The following RABGEF1 variants were observed in gnomAD, a reference collection of about 807,000 sequenced individuals.
The protein encoded by RABGEF1 is rab5 GDP/GTP exchange factor.
In RABGEF1, 26 loss-of-function variants were observed where a neutral mutation model predicts 57.3. The ratio of observed to expected loss-of-function variants is 0.45; its 90% CI spans 0.33 to 0.63. RABGEF1 has a LOEUF of 0.63. Ranked by LOEUF, RABGEF1 falls within the 20% of genes least tolerant of loss-of-function variation. The pLI, the probability that RABGEF1 is intolerant of heterozygous loss-of-function variation, is 0.02. For synonymous variants in RABGEF1, 185 were observed against 210.7 expected (o/e 0.88, Z 1.06); for missense variants, 464 against 607.6 (o/e 0.76, Z 2.48).
the RABGEF1 span, among the ~76,000 whole-genome samples, chr7:66,656,671 T>G: frequency 1.3e-5 from 2 of 151,486 alleles, no homozygotes; most frequent in Non-Finnish European, 2.9e-5. Flanking sequence ...AACAGAAAAA[T>G]TAGCCGGCTG....
rs183905198 is a variant in RABGEF1, at chr7:66,694,400, G to A, written c.-873+12142G>A. ...ATGGAGCGAGGATCAGTGAGGCACC[G>A]TTAGGAGTGATGAACCCGGGGAGTT... On this transcript the variant is annotated intron_variant and NMD_transcript_variant, in intron 1 of 9. Transcript: ENST00000607882. Among the ~76,000 whole-genome samples the A allele has an allele frequency of 2.6e-5, 4 of 152,352 alleles. No individual in the cohort carries two copies. The East Asian group carries it at 5.8e-4, about 22-fold the overall frequency.
chr7:66,748,959 T>A, intron 1 of RABGEF1: 1 of 201,966 alleles, frequency 5.0e-6, no homozygotes, highest in Non-Finnish European at 1.1e-5. Flanking sequence ...GCAAGGCCGC[T>A]GCTGCTTTGC....
intron 3 of RABGEF1, among the ~76,000 whole-genome samples, chr7:66,781,646 T>C (rs1809931826): frequency 1.3e-5 from 2 of 152,226 alleles, no homozygotes; most frequent in African/African-American, 4.8e-5. Context: ...TCTTGGGTAG[T>C]TTCCTCATAC....
At chr7:66,671,013 C>T in the RABGEF1 span, among the ~76,000 whole-genome samples, 1 of 151,002 alleles carries the variant, frequency 6.6e-6, no homozygotes, top group Admixed American at 6.6e-5. Context: ...ATATCTATAT[C>T]TATATTTATA....
intron 2 of RABGEF1, among the ~76,000 whole-genome samples, chr7:66,715,180 T>A (rs1795238477): frequency 6.6e-6 from 1 of 151,994 alleles, no homozygotes; most frequent in Non-Finnish European, 1.5e-5. Context: ...TAGGCTGGAG[T>A]ACCATGACAG....
intron 2 of RABGEF1, among the ~76,000 whole-genome samples, chr7:66,716,427 C>T (rs1795402335): frequency 1.3e-5 from 2 of 152,100 alleles, no homozygotes; most frequent in Non-Finnish European, 2.9e-5. Context: ...TGACGAAAAC[C>T]TGTCTCTACC....
intron 2 of RABGEF1, among the ~76,000 whole-genome samples, chr7:66,733,434 C>T (rs1439031340): frequency 2.0e-5 from 3 of 152,006 alleles, no homozygotes; most frequent in Non-Finnish European, 4.4e-5. Flanking sequence ...CTCAGTGGTT[C>T]ACACCTGTAA....
At chr7:66,710,616 A>C (rs1794658330) in intron 1 of RABGEF1, among the ~76,000 whole-genome samples, 1 of 152,224 alleles carries the variant, frequency 6.6e-6, no homozygotes, top group Non-Finnish European at 1.5e-5. Context: ...GGTTTTAAGT[A>C]GCATTCACTA....
intron 1 of RABGEF1, among the ~76,000 whole-genome samples, chr7:66,750,068 T>C (rs1250786154): frequency 1.3e-5 from 2 of 152,254 alleles, no homozygotes; most frequent in South Asian, 2.1e-4. Flanking sequence ...GGGTCCTGTT[T>C]AGCAAGTTGG....
intron 2 of RABGEF1, among the ~76,000 whole-genome samples, chr7:66,728,031 C>G (rs1196273843): frequency 1.3e-4 from 20 of 152,298 alleles, no homozygotes; most frequent in Middle Eastern, 3.4e-3. Context: ...CCCCCTTCCA[C>G]CTTTCCAGTG....
At chr7:66,693,069 A>G (rs942356942) in intron 1 of RABGEF1, among the ~76,000 whole-genome samples, 10 of 152,058 alleles carry the variant, frequency 6.6e-5, no homozygotes, top group Non-Finnish European at 1.0e-4. Flanking sequence ...CGTGGCCTTC[A>G]CTCAGCTGAA....
At chr7:66,771,495 T>C (rs1409922199) in intron 1 of RABGEF1, among the ~76,000 whole-genome samples, 1 of 152,208 alleles carries the variant, frequency 6.6e-6, no homozygotes, top group Non-Finnish European at 1.5e-5. Context: ...TTTTGTTGCC[T>C]GTGCTTTTGG....
intron 2 of RABGEF1, among the ~76,000 whole-genome samples, chr7:66,715,423 G>A (rs1795276875): frequency 6.6e-6 from 1 of 152,008 alleles, no homozygotes; most frequent in Admixed American, 6.6e-5. Flanking sequence ...GGGCCTCTGT[G>A]CCCGCCTCTT....
upstream of RABGEF1, among the ~76,000 whole-genome samples, chr7:66,677,618 T>C (rs1161109772): frequency 1.3e-5 from 2 of 151,598 alleles, no homozygotes; most frequent in African/African-American, 2.4e-5. Flanking sequence ...AAAAATTAGC[T>C]GGGCTTGGTG....
intron 1 of RABGEF1, among the ~76,000 whole-genome samples, chr7:66,693,597 A>G (rs1311314068): frequency 1.3e-5 from 2 of 152,164 alleles, no homozygotes; most frequent in Admixed American, 1.3e-4. Context: ...CATGGAGTTA[A>G]GAATCCTGGA....
At position 66,805,397 on chromosome 7, in the gene RABGEF1, G is replaced by T; in HGVS notation, c.1077+1G>T. ...GGATGGCTACTATTTCACCAATCTG[G>T]TGAGTAAGTGAGTTCTTGGTGTTGT... On this transcript the variant is annotated splice_donor_variant, in intron 8 of 8. Transcript: ENST00000284957. LOFTEE classifies it high-confidence loss of function. 6.2e-7 allele frequency: 1 copy of T among 1,613,756 alleles called. No homozygotes were observed.
chr7:66,756,088 A>G, intron 1 of RABGEF1: 1 of 1,437,840 alleles, frequency 7.0e-7, no homozygotes. Flanking sequence ...GTGAGTACTG[A>G]AAGATATATA....
At chr7:66,659,118 T>A in the RABGEF1 span, among the ~76,000 whole-genome samples, 4 of 152,156 alleles carry the variant, frequency 2.6e-5, no homozygotes, top group Non-Finnish European at 5.9e-5. Flanking sequence ...AGAAAACAAC[T>A]GACCAATATT....
chr7:66,718,417 T>C (rs1203182810), intron 2 of RABGEF1, among the ~76,000 whole-genome samples: 1 of 152,204 alleles, frequency 6.6e-6, no homozygotes, highest in Non-Finnish European at 1.5e-5. Context: ...ATCTGTGCCA[T>C]CTTGGGGTTG....
Sources: gnomAD v4.1 joint callset for allele counts (sites outside exome capture counted in the v4.1 genomes callset) on GRCh38, gnomAD v4.1.1 for gene constraint, MANE v1.5 for transcripts, NCBI Gene and HGNC (gene_info 2026-07-23, HGNC 2026-07-21) for gene names.